Variants in KIAA1549L observed in about 807,000 individuals in gnomAD.
KIAA1549L encodes the protein KIAA1549 like.
KIAA1549L carries 88 observed loss-of-function variants against 160.7 expected under a neutral mutation model. The observed-to-expected ratio is 0.55, with a 90% confidence interval of 0.46 to 0.65. KIAA1549L has a LOEUF of 0.65. Ranked by LOEUF, KIAA1549L falls within the 30% of genes least tolerant of loss-of-function variation. The pLI is 0.00. For synonymous variants in KIAA1549L, 950 were observed against 976.7 expected (o/e 0.97, Z 0.51); for missense variants, 2,258 against 2,437.5 (o/e 0.93, Z 1.55).
intron 13 of KIAA1549L, among the ~76,000 whole-genome samples, chr11:33,601,279 C>A (rs16924469): frequency 0.24 from 36,362 of 151,974 alleles, 4,467 homozygotes; most frequent in East Asian, 0.36. Context: ...TAGGTTTGAA[C>A]TTTTCCAGTA....
At chr11:33,460,306 G>A (rs1043281513) in intron 1 of KIAA1549L, among the ~76,000 whole-genome samples, 5 of 152,068 alleles carry the variant, frequency 3.3e-5, no homozygotes, top group African/African-American at 1.2e-4. Context: ...TGTGGTGGGG[G>A]CCAGGAGAGG....
intron 1 of KIAA1549L, chr11:33,403,268 C>CACAGACACACACACACACACGCAG (rs1850547188): frequency 7.4e-6 from 1 of 135,566 alleles, no homozygotes; most frequent in South Asian, 2.5e-4. Context: ...CAGACACAGA[C>CACAGACACACACACACACACGCAG]ACACACAGAC....
intron 11 of KIAA1549L, among the ~76,000 whole-genome samples, chr11:33,586,441 G>T (rs1006021646): frequency 6.6e-6 from 1 of 152,168 alleles, no homozygotes; most frequent in African/African-American, 2.4e-5. Context: ...AATGATAAAT[G>T]CAAGAGGGCC....
chr11:33,519,930 T>C (rs935782729), intron 1 of KIAA1549L, among the ~76,000 whole-genome samples: 4 of 134,322 alleles, frequency 3.0e-5, no homozygotes, highest in African/African-American at 8.8e-5. Flanking sequence ...AAAGGAAATA[T>C]CGGGTCGCCA....
chr11:33,638,751 C>G (rs964576333), intron 16 of KIAA1549L, among the ~76,000 whole-genome samples: 4 of 152,216 alleles, frequency 2.6e-5, no homozygotes, highest in Admixed American at 2.0e-4. Context: ...GCCTCTCCCA[C>G]TAGCAGTATA....
intron 1 of KIAA1549L, among the ~76,000 whole-genome samples, chr11:33,521,894 G>A (rs1381808956): frequency 6.6e-6 from 1 of 152,172 alleles, no homozygotes; most frequent in Non-Finnish European, 1.5e-5. Flanking sequence ...CTAATGATAT[G>A]GTTATTACTA....
rs78842688 is a variant in KIAA1549L at position 33,473,207 on chromosome 11, G to A, written c.239-68595G>A. Among the ~76,000 whole-genome samples the A allele has an allele frequency of 8.5e-3, 1,294 of 152,256 alleles. 16 individuals carry two copies. The highest frequency in any genetic ancestry group is 0.03 in the African/African-American group (1,231 of 41,532). On this transcript the variant is annotated intron_variant, in intron 1 of 20. Coordinates refer to ENST00000658780, the MANE Select transcript of KIAA1549L (RefSeq NM_012194.3). ...GCTATTAGGGTACCCCCAAAATCAG[G>A]GATTTGGGGAAATTAAAGATGAATA...
At chr11:33,407,474 G>C (rs958017422) in intron 1 of KIAA1549L, among the ~76,000 whole-genome samples, 1 of 152,064 alleles carries the variant, frequency 6.6e-6, no homozygotes, top group Non-Finnish European at 1.5e-5. Flanking sequence ...GCAAGCCTGC[G>C]AGTAGCTGGG....
At chr11:33,379,067 C>A (rs906588865) in intron 1 of KIAA1549L, among the ~76,000 whole-genome samples, 1 of 152,112 alleles carries the variant, frequency 6.6e-6, no homozygotes, top group Non-Finnish European at 1.5e-5. Flanking sequence ...AGAATGCGTC[C>A]GACCCTGAGA....
At chr11:33,485,352 A>T (rs1443866926) in intron 1 of KIAA1549L, among the ~76,000 whole-genome samples, 1 of 152,154 alleles carries the variant, frequency 6.6e-6, no homozygotes, top group Non-Finnish European at 1.5e-5. Flanking sequence ...TCTTCTACAA[A>T]ATTTATCTTT....
At chr11:33,540,571 G>A (rs77749860) in intron 1 of KIAA1549L, among the ~76,000 whole-genome samples, 5 of 152,208 alleles carry the variant, frequency 3.3e-5, no homozygotes, top group African/African-American at 4.8e-5. Context: ...AAGTGTCTGA[G>A]GGGGGAATAC....
chr11:33,449,078 A>G (rs1225098736), intron 1 of KIAA1549L, among the ~76,000 whole-genome samples: 2 of 152,218 alleles, frequency 1.3e-5, no homozygotes, highest in Admixed American at 6.5e-5. Flanking sequence ...ATTGGAATAA[A>G]AAGTTAACAG....
chr11:33,654,973 T>A (rs938920717), intron 17 of KIAA1549L, among the ~76,000 whole-genome samples: 1 of 152,216 alleles, frequency 6.6e-6, no homozygotes, highest in African/African-American at 2.4e-5. Context: ...TTTGTCCTGA[T>A]GCCTTCAGGT....
intron 1 of KIAA1549L, among the ~76,000 whole-genome samples, chr11:33,455,278 CAGTCAT>C (rs1851799798): frequency 6.6e-6 from 1 of 152,220 alleles, no homozygotes; most frequent in Admixed American, 6.5e-5. Context: ...ATGGTAGCCA[CAGTCAT>C]ATATTATGAC....
intron 1 of KIAA1549L, among the ~76,000 whole-genome samples, chr11:33,473,747 T>C (rs1340840569): frequency 6.6e-6 from 1 of 152,224 alleles, no homozygotes; most frequent in Non-Finnish European, 1.5e-5. Flanking sequence ...GCTAATTTTA[T>C]ATCCTTTATC....
chr11:33,417,888 G>A (rs560625666), intron 1 of KIAA1549L, among the ~76,000 whole-genome samples: 4 of 151,968 alleles, frequency 2.6e-5, no homozygotes, highest in African/African-American at 9.6e-5. Flanking sequence ...AGCGATTCTT[G>A]TGCCTCAGCC....
chr11:33,658,524 G>T (rs1339435847), intron 18 of KIAA1549L, among the ~76,000 whole-genome samples: 1 of 152,190 alleles, frequency 6.6e-6, no homozygotes, highest in Non-Finnish European at 1.5e-5. Flanking sequence ...GTCTAAAAAT[G>T]ATTTCAGCTG....
chr11:33,489,098 ATC>A (rs978971249), intron 1 of KIAA1549L, among the ~76,000 whole-genome samples: 2 of 152,194 alleles, frequency 1.3e-5, no homozygotes, highest in African/African-American at 2.4e-5. Context: ...ATACCCTGAA[ATC>A]TCTGTCTTAG....
intron 1 of KIAA1549L, among the ~76,000 whole-genome samples, chr11:33,430,895 G>C (rs1851224566): frequency 6.6e-6 from 1 of 152,238 alleles, no homozygotes; most frequent in African/African-American, 2.4e-5. Context: ...GGAATTGGTG[G>C]GTTCTTGGTC....
Sources: gnomAD v4.1 joint callset for allele counts (sites outside exome capture counted in the v4.1 genomes callset) on GRCh38, gnomAD v4.1.1 for gene constraint, MANE v1.5 for transcripts, NCBI Gene and HGNC (gene_info 2026-07-23, HGNC 2026-07-21) for gene names.